The following SLMAP variants were observed in gnomAD, a reference collection of about 807,000 sequenced individuals.
The protein encoded by SLMAP is sarcolemma associated protein, also known as sarcolemmal membrane-associated protein.
In SLMAP, 44 loss-of-function variants were observed where a neutral mutation model predicts 128.8. That is an observed-to-expected ratio of 0.34 (90% CI 0.27 to 0.44). The LOEUF is 0.44. Ranked by LOEUF, SLMAP falls within the 20% of genes least tolerant of loss-of-function variation. SLMAP has a pLI of 1.00. For missense variants in SLMAP, 787 were observed against 985.3 expected (o/e 0.80, Z 2.69); for synonymous variants, 327 against 348.8 (o/e 0.94, Z 0.70).
At chr3:57,758,852 G>C (rs2078077717) in intron 2 of SLMAP, among the ~76,000 whole-genome samples, 1 of 152,168 alleles carries the variant, frequency 6.6e-6, no homozygotes, top group Non-Finnish European at 1.5e-5. Flanking sequence ...CTGAGCTACT[G>C]AATCAGTTCC....
intron 14 of SLMAP, among the ~76,000 whole-genome samples, chr3:57,888,452 A>G (rs918203408): frequency 5.3e-5 from 8 of 152,088 alleles, no homozygotes; most frequent in Non-Finnish European, 1.2e-4. Flanking sequence ...CCCCGTCTCT[A>G]CTAAAAATAC....
At chr3:57,869,660 A>ATATATATATATATATATATAT (rs1553900183) in intron 13 of SLMAP, among the ~76,000 whole-genome samples, 1 of 81,392 alleles carries the variant, frequency 1.2e-5, no homozygotes, top group African/African-American at 4.7e-5. Context: ...ATATATATAT[A>ATATATATATATATATATATAT]ATATATATAA....
chr3:57,852,691 C>T (rs2153582947), intron 6 of SLMAP, among the ~76,000 whole-genome samples: 1 of 152,286 alleles, frequency 6.6e-6, no homozygotes, highest in Non-Finnish European at 1.5e-5. Context: ...GTAGTTTAAA[C>T]CTCATTTTTC....
intron 22 of SLMAP, 64 bp downstream of exon 22, chr3:57,917,141 A>G: frequency 6.2e-7 from 1 of 1,605,928 alleles, no homozygotes; most frequent in Non-Finnish European, 8.5e-7. Flanking sequence ...CAAATCGGAT[A>G]TCCATGCTAG....
chr3:57,780,607 TTTTGA>T (rs2082840259), intron 2 of SLMAP, among the ~76,000 whole-genome samples: 1 of 152,144 alleles, frequency 6.6e-6, no homozygotes, highest in Admixed American at 6.5e-5. Context: ...AGCTATACAC[TTTTGA>T]TTTGTTCAAT....
intron 15 of SLMAP, among the ~76,000 whole-genome samples, chr3:57,894,795 A>G (rs2096196383): frequency 6.6e-6 from 1 of 152,226 alleles, no homozygotes; most frequent in African/African-American, 2.4e-5. Flanking sequence ...AAATAATTGC[A>G]GGACATAATG....
chr3:57,928,251 T>C lies in SLMAP; in HGVS notation c.*962T>C, dbSNP rs535854020. On this transcript the variant is annotated 3_prime_UTR_variant, in exon 25 of 25. Coordinates refer to ENST00000671191, the MANE Select transcript of SLMAP (RefSeq NM_001377540.1). Reference sequence around the variant, plus strand: ...CAAGTTACTTTCTCATATACAGCATTTTAGGAAGCATGATTTTTTTTTTCT... The same window carrying C: ...CAAGTTACTTTCTCATATACAGCATCTTAGGAAGCATGATTTTTTTTTTCT... The C allele has an allele frequency of 1.3e-5, 2 of 152,408 alleles. No homozygotes were observed. Among genetic ancestry groups the C allele is most frequent in the African/African-American group, 4.8e-5 (2 of 41,452 alleles). The allele number at this position is 152,408 out of a possible 1,614,324, so 9.4% of individuals were successfully genotyped here.
At chr3:57,911,923 TAAAAAAAAAAAAAAA>T (rs57106769) in intron 19 of SLMAP, among the ~76,000 whole-genome samples, 2 of 52,370 alleles carry the variant, frequency 3.8e-5, no homozygotes, top group Non-Finnish European at 7.0e-5. Context: ...GGATTCACCC[TAAAAAAAAAAAAAAA>T]AAAAAAAAAA....
chr3:57,874,567 GAAA>G (rs869191947), intron 14 of SLMAP, among the ~76,000 whole-genome samples: 2 of 134,786 alleles, frequency 1.5e-5, no homozygotes, highest in African/African-American at 5.5e-5. Flanking sequence ...TGGGGAAAAA[GAAA>G]AAAAAAAAAG....
chr3:57,837,120 C>G (rs1404873859), intron 3 of SLMAP, among the ~76,000 whole-genome samples: 1 of 152,210 alleles, frequency 6.6e-6, no homozygotes, highest in Non-Finnish European at 1.5e-5. Context: ...CCTTCAAGCC[C>G]TTGCACATGC....
intron 2 of SLMAP, among the ~76,000 whole-genome samples, chr3:57,779,780 C>T (rs1030894342): frequency 1.3e-5 from 2 of 151,846 alleles, no homozygotes; most frequent in Non-Finnish European, 2.9e-5. Context: ...GCAGAAAAAC[C>T]TTAACTTCCT....
Position 57,756,941 on chromosome 3 carries a change from C to T in SLMAP, c.-711C>T, listed in dbSNP as rs1037563297. 6.6e-6 allele frequency: 1 copy of T among 152,512 alleles called. No homozygotes were observed. The highest frequency in any genetic ancestry group is 1.9e-4 in the East Asian group (1 of 5,176). The allele number at this position is 152,512 out of a possible 1,614,324, so 9.4% of individuals were successfully genotyped here. The stretch of plus-strand genomic sequence containing the variant: ...AGTCCCGACTTGGCCACTGCCCGCG[C>T]CCCGCCGGCCTCCACGCCTCGCGCG... On this transcript the variant is annotated 5_prime_UTR_variant, in exon 2 of 25. Transcript: ENST00000671191.
At chr3:57,922,496 T>G (rs1284956725) in intron 22 of SLMAP, among the ~76,000 whole-genome samples, 1 of 151,288 alleles carries the variant, frequency 6.6e-6, no homozygotes, top group Admixed American at 6.6e-5. Flanking sequence ...TGGCATGATC[T>G]TGGCTCACTG....
At chr3:57,818,845 G>A (rs550461177) in intron 2 of SLMAP, among the ~76,000 whole-genome samples, 1 of 152,312 alleles carries the variant, frequency 6.6e-6, no homozygotes, top group Admixed American at 6.5e-5. Flanking sequence ...AATAGAGATA[G>A]AATTTGAATG....
chr3:57,829,659 T>C (rs947741148), intron 2 of SLMAP, among the ~76,000 whole-genome samples: 2 of 152,240 alleles, frequency 1.3e-5, no homozygotes, highest in Non-Finnish European at 2.9e-5. Flanking sequence ...TAATTAGATA[T>C]ACAAACTGCT....
rs756671579 is a variant in SLMAP at position 57,929,364 on chromosome 3, CT to C, written c.*2079del. On this transcript the variant is annotated 3_prime_UTR_variant, in exon 25 of 25. Coordinates refer to ENST00000671191, the MANE Select transcript of SLMAP (RefSeq NM_001377540.1). ...TTAACTTACTGCTTTATTTTTTTCT[CT>C]TTTAATATGGTTATTGTTAAAATGA... is the stretch of plus-strand genomic sequence containing the variant. Among the ~76,000 whole-genome samples, 1 of 152,042 alleles carries C rather than the reference CT, an allele frequency of 6.6e-6. No individual in the cohort carries two copies. The highest frequency in any genetic ancestry group is 2.1e-4 in the South Asian group (1 of 4,822).
intron 2 of SLMAP, among the ~76,000 whole-genome samples, chr3:57,762,979 C>T (rs1037427673): frequency 1.1e-4 from 17 of 152,142 alleles, no homozygotes; most frequent in Admixed American, 1.1e-3. Flanking sequence ...CTGCCTCGGC[C>T]TCCCAAAGTG....
intron 2 of SLMAP, among the ~76,000 whole-genome samples, chr3:57,777,190 G>A (rs1242111009): frequency 4.0e-5 from 6 of 151,790 alleles, no homozygotes; most frequent in African/African-American, 1.5e-4. Context: ...CAGGGCACAT[G>A]TATACATATG....
In SLMAP at chr3:57,857,760, G is replaced by C. The variant is rs2094864265; in HGVS notation, c.547G>C (p.Glu183Gln). The change falls in exon 7 of 25, where the codon GAA becomes CAA. Residue 183 changes from glutamate (E) to glutamine (Q), a missense_variant. This residue lies in a region of SLMAP where 715 missense variants were observed against 843.6 expected (regional missense o/e 0.85). Coordinates refer to ENST00000671191, the MANE Select transcript of SLMAP (RefSeq NM_001377540.1). ...GGCCTTACATCGGGAACAAATGTTGGAACAGAAGTTAGCCACGCTTCAGCG... is the reference window on the plus strand; with the variant it reads ...GGCCTTACATCGGGAACAAATGTTGCAACAGAAGTTAGCCACGCTTCAGCG... ...QEALHREQML[E>Q]QKLATLQRLL... is the part of the protein sequence containing the mutation. The C allele has an allele frequency of 2.5e-6, 4 of 1,613,680 alleles. No individual in the cohort carries two copies. The highest frequency in any genetic ancestry group is 3.4e-6 in the Non-Finnish European group (4 of 1,179,598).
Sources: gnomAD v4.1 joint callset for allele counts (sites outside exome capture counted in the v4.1 genomes callset) on GRCh38, gnomAD v4.1.1 for gene constraint, gnomAD v4.1.1 regional missense constraint, MANE v1.5 for transcripts, NCBI Gene and HGNC (gene_info 2026-07-23, HGNC 2026-07-21) for gene names.